MGST1: variants seen among roughly 807,000 people sequenced by gnomAD.
MGST1 encodes glutathione S-transferase 12.
Under a neutral mutation model 8.9 loss-of-function variants are expected in MGST1, and 5 were observed. That is an observed-to-expected ratio of 0.56 (90% CI 0.29 to 1.19). MGST1 has a LOEUF of 1.19. MGST1 is among the 50% of genes most tolerant of loss of function. The pLI, the probability that MGST1 is intolerant of heterozygous loss-of-function variation, is 0.08. For missense variants in MGST1, 182 were observed against 187.4 expected, an observed-to-expected ratio of 0.97 and a Z score of 0.17; for synonymous variants, 54 against 67.8, an observed-to-expected ratio of 0.80 and a Z score of 1.00.
At chr12:16,356,696 A>G (rs1283358971) in intron 2 of MGST1, among the ~76,000 whole-genome samples, 4 of 152,244 alleles carry the variant, frequency 2.6e-5, no homozygotes, top group Non-Finnish European at 4.4e-5. Context: ...AGGAAGGAAT[A>G]CATGAATGTG....
At chr12:16,411,646 T>A (rs1940744043) in intron 1 of MGST1, among the ~76,000 whole-genome samples, 1 of 152,166 alleles carries the variant, frequency 6.6e-6, no homozygotes, top group Non-Finnish European at 1.5e-5. Flanking sequence ...AATCCTAGTA[T>A]GAACAGTGTC....
At chr12:16,422,950 T>G (rs1367663359) in intron 1 of MGST1, among the ~76,000 whole-genome samples, 1 of 152,086 alleles carries the variant, frequency 6.6e-6, no homozygotes, top group Non-Finnish European at 1.5e-5. Flanking sequence ...ACTCTGCAGG[T>G]CTCTGGAACT....
At chr12:16,573,079 TA>T (rs942588616) in intron 4 of MGST1, among the ~76,000 whole-genome samples, 1 of 151,926 alleles carries the variant, frequency 6.6e-6, no homozygotes, top group African/African-American at 2.4e-5. Flanking sequence ...AAAGAAAAAA[TA>T]CCTTTTTTTT....
intron 4 of MGST1, among the ~76,000 whole-genome samples, chr12:16,453,558 G>C (rs1941147041): frequency 6.6e-6 from 1 of 151,962 alleles, no homozygotes; most frequent in South Asian, 2.1e-4. Flanking sequence ...CAGTTTCTTA[G>C]GGCTGCTGTA....
chr12:16,404,171 T>TA (rs1309923024), intron 1 of MGST1, among the ~76,000 whole-genome samples: 1 of 152,194 alleles, frequency 6.6e-6, no homozygotes, highest in Non-Finnish European at 1.5e-5. Context: ...GAATTGTACC[T>TA]TTTGTCCTAA....
At chr12:16,495,005 G>A (rs981866755) in intron 4 of MGST1, among the ~76,000 whole-genome samples, 2 of 152,128 alleles carry the variant, frequency 1.3e-5, no homozygotes, top group Non-Finnish European at 2.9e-5. Flanking sequence ...TAAAATTCTG[G>A]TTGTACCAAA....
intron 4 of MGST1, among the ~76,000 whole-genome samples, chr12:16,463,894 C>T (rs764850053): frequency 6.6e-5 from 10 of 151,990 alleles, no homozygotes; most frequent in South Asian, 2.1e-4. Flanking sequence ...AATGCTTTTT[C>T]GAATTTCAAA....
In MGST1 at chr12:16,348,317, A is replaced by C. The variant is rs191751340; in HGVS notation, c.-23+607A>C. On this transcript the variant is annotated intron_variant, in intron 1 of 3. Transcript: ENST00000396210. ...TTGTGTGATATTATAGCCAGTGACA[A>C]GAGAGCTAAGGGTGAGCCCCTTGGG... Among the ~76,000 whole-genome samples, 75 of 152,314 alleles carry C rather than the reference A, an allele frequency of 4.9e-4. No homozygotes were observed. In the Middle Eastern group the frequency reaches 0.01, roughly 21 times the overall value.
chr12:16,419,552 G>A (rs1940816421), intron 1 of MGST1, among the ~76,000 whole-genome samples: 1 of 152,174 alleles, frequency 6.6e-6, no homozygotes, highest in Non-Finnish European at 1.5e-5. Context: ...GTAAGATACT[G>A]TAGGAAATAT....
intron 1 of MGST1, among the ~76,000 whole-genome samples, chr12:16,402,957 A>C (rs950250149): frequency 1.3e-5 from 2 of 149,208 alleles, no homozygotes; most frequent in Admixed American, 1.3e-4. Context: ...TATATTCTCT[A>C]TATATTTATT....
intron 3 of MGST1, among the ~76,000 whole-genome samples, chr12:16,373,052 T>C (rs970809263): frequency 1.1e-4 from 15 of 135,444 alleles, no homozygotes; most frequent in African/African-American, 3.5e-4. Context: ...TGGAATATTA[T>C]ACAAAACAAA....
intron 1 of MGST1, chr12:16,400,445 G>A (rs1236112348): frequency 1.2e-6 from 1 of 805,232 alleles, no homozygotes; most frequent in African/African-American, 1.7e-5. Flanking sequence ...AGATCTTTCA[G>A]TTTGGAATTA....
At chr12:16,407,418 G>A (rs1044185779) in intron 1 of MGST1, among the ~76,000 whole-genome samples, 1 of 152,122 alleles carries the variant, frequency 6.6e-6, no homozygotes, top group Non-Finnish European at 1.5e-5. Context: ...AATAACAGAT[G>A]CCGGCAAGGT....
At position 16,436,231 on chromosome 12, in the gene MGST1, A is replaced by G. The variant is rs930033364; in HGVS notation, n.779-1157A>G. Among the ~76,000 whole-genome samples, 3 of 151,990 alleles carry G rather than the reference A, an allele frequency of 2.0e-5. No homozygotes were observed. The South Asian group carries it at 6.2e-4, about 31-fold the overall frequency. On this transcript the variant is annotated intron_variant and non_coding_transcript_variant, in intron 1 of 1. Coordinates refer to the MGST1 transcript ENST00000359720. ...GGAGAAATCTATCAAATATTTACTC[A>G]GTGTTTACAATATAAAAAGCACTCT...
At chr12:16,416,915 C>A (rs911285040) in intron 1 of MGST1, among the ~76,000 whole-genome samples, 1 of 152,092 alleles carries the variant, frequency 6.6e-6, no homozygotes. Flanking sequence ...ATATCCAGAT[C>A]AAAAGTGTGG....
rs553541307 is a variant in MGST1 at position 16,550,002 on chromosome 12, T to C, written n.483-39526T>C. ...ACATCAAACTTAAAGTGTTTACTTT[T>C]TGAACATTAAAATAAATGTCAGGTA... On this transcript the variant is annotated intron_variant and non_coding_transcript_variant, in intron 4 of 4. Coordinates refer to the MGST1 transcript ENST00000538857. 6.6e-5 allele frequency: 10 copies of C among 152,190 alleles called. No homozygotes were observed. The East Asian group carries it at 1.2e-3, about 18-fold the overall frequency. The allele number at this position is 152,190 out of a possible 1,614,324, so 9.4% of individuals were successfully genotyped here.
rs1278573996 is a variant in MGST1, at chr12:16,414,410, T to TTA, written n.779-22977_779-22976insAT. Reference sequence around the variant, plus strand: ...AGGTGTTTTTATTTTTTTTTTTATTTTTTATTTATTTATTTATTTTTTTGA... The same window carrying TTA: ...AGGTGTTTTTATTTTTTTTTTTATTTTATTTATTTATTTATTTATTTTTTTGA... On this transcript the variant is annotated intron_variant and non_coding_transcript_variant, in intron 1 of 1. Coordinates refer to the MGST1 transcript ENST00000359720. Among the ~76,000 whole-genome samples, 1,221 of 149,546 alleles carry TTA rather than the reference T, an allele frequency of 8.2e-3. 20 individuals carry two copies. Among genetic ancestry groups the TTA allele is most frequent in the African/African-American group, 0.028 (1,154 of 40,778 alleles).
At position 16,410,863 on chromosome 12, in the gene MGST1, C is replaced by T. The variant is rs1940736922; in HGVS notation, n.779-26525C>T. On this transcript the variant is annotated intron_variant and non_coding_transcript_variant, in intron 1 of 1. Transcript: ENST00000359720. The surrounding 1 kb of genome is among the most constrained non-coding windows in gnomAD (Gnocchi z 4.4). The stretch of plus-strand genomic sequence containing the variant: ...TATTTGGTTTGACTCCATTTTTTCC[C>T]AAGATGTTCCAGAATCACTATTTCT... 6.6e-6 allele frequency among the ~76,000 whole-genome samples: 1 copy of T among 151,852 alleles called. No homozygotes were observed. Among genetic ancestry groups the T allele is most frequent in the Non-Finnish European group, 1.5e-5 (1 of 67,954 alleles).
chr12:16,489,891 G>T (rs974930306), intron 4 of MGST1, among the ~76,000 whole-genome samples: 1 of 152,162 alleles, frequency 6.6e-6, no homozygotes. Flanking sequence ...CCTGAGGGAA[G>T]AACATACTTT....
Sources: allele counts gnomAD v4.1 joint callset (sites outside exome capture counted in the v4.1 genomes callset), GRCh38; gene constraint gnomAD v4.1.1; non-coding constraint Gnocchi (gnomAD v3.1); transcripts MANE v1.5; gene names NCBI Gene and HGNC (gene_info 2026-07-23, HGNC 2026-07-21).